Variants in RIT2 observed in about 807,000 individuals in gnomAD.
RIT2 encodes GTP-binding protein Rit2.
In RIT2, 24 loss-of-function variants were observed where a neutral mutation model predicts 23.7. The ratio of observed to expected loss-of-function variants is 1.01; its 90% CI spans 0.73 to 1.43. The LOEUF (loss-of-function observed/expected upper bound fraction) is 1.43. Ranked by LOEUF, RIT2 falls within the 40% of genes most tolerant of loss-of-function variation. RIT2 has a pLI of 0.00. For missense variants in RIT2, 236 were observed against 266.9 expected, an observed-to-expected ratio of 0.88 and a Z score of 0.81; for synonymous variants, 107 against 91.1, an observed-to-expected ratio of 1.17 and a Z score of -0.99.
chr18:43,013,895 A>G (rs564684380), intron 2 of RIT2, among the ~76,000 whole-genome samples: 1 of 151,752 alleles, frequency 6.6e-6, no homozygotes, highest in Non-Finnish European at 1.5e-5. Flanking sequence ...CCCCAGCTCT[A>G]CGCTAGATAC....
chr18:43,038,622 T>G (rs1207903354), intron 1 of RIT2, among the ~76,000 whole-genome samples: 1 of 152,154 alleles, frequency 6.6e-6, no homozygotes, highest in African/African-American at 2.4e-5. Context: ...TTTCTGTTTC[T>G]GAGTTTTTCA....
chr18:42,914,980 C>T (rs930954147), intron 4 of RIT2, among the ~76,000 whole-genome samples: 1 of 138,248 alleles, frequency 7.2e-6, no homozygotes, highest in African/African-American at 2.7e-5. Flanking sequence ...TATGTAATTC[C>T]CTAAGCATGT....
intron 4 of RIT2, among the ~76,000 whole-genome samples, chr18:42,844,417 G>T (rs923091116): frequency 1.3e-5 from 2 of 152,170 alleles, no homozygotes; most frequent in African/African-American, 4.8e-5. Context: ...ACACTTGAAG[G>T]ATGATGAAGA....
intron 4 of RIT2, among the ~76,000 whole-genome samples, chr18:42,919,417 A>G (rs1397655039): frequency 6.6e-6 from 1 of 152,122 alleles, no homozygotes; most frequent in Non-Finnish European, 1.5e-5. Context: ...GGATATCTTC[A>G]GGATAAAACA....
At chr18:42,828,786 T>TA (rs1906377070) in intron 4 of RIT2, among the ~76,000 whole-genome samples, 1 of 152,224 alleles carries the variant, frequency 6.6e-6, no homozygotes, top group Non-Finnish European at 1.5e-5. Flanking sequence ...TGAAAAGGCT[T>TA]AGACTCAGCC....
At chr18:42,771,726 T>C (rs1913556553) in intron 4 of RIT2, among the ~76,000 whole-genome samples, 1 of 152,158 alleles carries the variant, frequency 6.6e-6, no homozygotes, top group South Asian at 2.1e-4. Flanking sequence ...GTGTTATATC[T>C]GTTGGGATGC....
intron 4 of RIT2, among the ~76,000 whole-genome samples, chr18:42,810,043 CATATGTTAT>C (rs955767832): frequency 9.7e-5 from 14 of 143,898 alleles, no homozygotes; most frequent in African/African-American, 2.3e-4. Flanking sequence ...ATATAAGTTA[CATATGTTAT>C]ATATGTTATA....
chr18:42,906,858 A>G (rs1357989786), intron 4 of RIT2, among the ~76,000 whole-genome samples: 1 of 152,170 alleles, frequency 6.6e-6, no homozygotes, highest in Non-Finnish European at 1.5e-5. Context: ...GTCTTTGTAC[A>G]CAACACTCAA....
At position 42,949,896 on chromosome 18, in the gene RIT2, C is replaced by T. The variant is rs972871497; in HGVS notation, c.234+24178G>A. 2.6e-5 allele frequency among the ~76,000 whole-genome samples: 4 copies of T among 152,018 alleles called. No homozygotes were observed. In the East Asian group the frequency reaches 7.7e-4, roughly 29 times the overall value. On this transcript the variant is annotated intron_variant, in intron 3 of 4. Transcript: ENST00000326695. ...ATTTTTAGGGCTTGGATGTTATGTA[C>T]ACAAGAAAGAAAGAATAAATATCTG...
At chr18:43,061,415 C>A (rs1912641829) in intron 1 of RIT2, among the ~76,000 whole-genome samples, 1 of 152,060 alleles carries the variant, frequency 6.6e-6, no homozygotes, top group Non-Finnish European at 1.5e-5. Context: ...ATATCAGACT[C>A]TTTTTCAGGG....
Position 43,074,114 on chromosome 18 carries a change from T to C in RIT2, c.104-40247A>G, listed in dbSNP as rs139555850. ...TTTTTAGATACACAATTACAGATAG[T>C]AACTTTACTAAATAATCTTTTGCTA... On this transcript the variant is annotated intron_variant, in intron 1 of 4. Transcript: ENST00000326695. 3.3e-3 allele frequency among the ~76,000 whole-genome samples: 504 copies of C among 152,316 alleles called. 10 individuals are homozygous for C. The highest frequency in any genetic ancestry group is 0.027 in the Admixed American group (407 of 15,296).
intron 2 of RIT2, among the ~76,000 whole-genome samples, chr18:42,985,562 G>T (rs1910690197): frequency 6.6e-6 from 1 of 152,042 alleles, no homozygotes; most frequent in Non-Finnish European, 1.5e-5. Context: ...AAAATAAACA[G>T]AATAGAGAAC....
At chr18:43,111,499 C>G (rs1056435421) in intron 1 of RIT2, among the ~76,000 whole-genome samples, 3 of 152,012 alleles carry the variant, frequency 2.0e-5, no homozygotes, top group Admixed American at 1.3e-4. Flanking sequence ...GATGGATACA[C>G]CATACCCTGA....
At chr18:42,779,905 C>A (rs1487284596) in intron 4 of RIT2, among the ~76,000 whole-genome samples, 3 of 152,012 alleles carry the variant, frequency 2.0e-5, no homozygotes, top group Non-Finnish European at 4.4e-5. Context: ...ATTTTTTATA[C>A]ATGAAATGGA....
intron 4 of RIT2, among the ~76,000 whole-genome samples, chr18:42,891,479 A>AT: frequency 1.3e-5 from 2 of 152,338 alleles, no homozygotes; most frequent in South Asian, 4.1e-4. Context: ...GGTTGCCAGA[A>AT]TTTGGAAGCA....
chr18:43,009,864 T>G (rs1911311952), intron 2 of RIT2, among the ~76,000 whole-genome samples: 1 of 151,690 alleles, frequency 6.6e-6, no homozygotes, highest in Non-Finnish European at 1.5e-5. Flanking sequence ...GATGCATTCA[T>G]TTTCAAATTA....
At chr18:43,110,533 G>A (rs569560313) in intron 1 of RIT2, among the ~76,000 whole-genome samples, 146 of 152,142 alleles carry the variant, frequency 9.6e-4, no homozygotes, top group African/African-American at 3.1e-3. Context: ...GATTGTTTAG[G>A]CTCCATAAAA....
At chr18:43,108,902 C>G (rs1271933787) in intron 1 of RIT2, among the ~76,000 whole-genome samples, 1 of 152,090 alleles carries the variant, frequency 6.6e-6, no homozygotes, top group Non-Finnish European at 1.5e-5. Flanking sequence ...GTTTCTTTTG[C>G]CTTACAGTCC....
chr18:42,964,985 T>G (rs759269384), intron 3 of RIT2, among the ~76,000 whole-genome samples: 12 of 152,240 alleles, frequency 7.9e-5, no homozygotes, highest in Admixed American at 4.6e-4. Flanking sequence ...TTGATTCTCA[T>G]TCTTAAAACT....
Sources: gnomAD v4.1 joint callset for allele counts (sites outside exome capture counted in the v4.1 genomes callset) on GRCh38, gnomAD v4.1.1 for gene constraint, MANE v1.5 for transcripts, NCBI Gene and HGNC (gene_info 2026-07-23, HGNC 2026-07-21) for gene names.